Variants in TGFBR3 observed in about 807,000 individuals in gnomAD.
TGFBR3 encodes the protein transforming growth factor beta receptor type 3.
Under a neutral mutation model 87.9 loss-of-function variants are expected in TGFBR3, and 46 were observed. That is an observed-to-expected ratio of 0.52 (90% CI 0.41 to 0.67). The LOEUF (loss-of-function observed/expected upper bound fraction) is 0.67, where lower values mean the gene tolerates loss of function less well. Among genes scored for constraint, TGFBR3 ranks in the 30% least tolerant of loss-of-function variants. The pLI, the probability that TGFBR3 is intolerant of heterozygous loss-of-function variation, is 0.00. For synonymous variants in TGFBR3, 381 were observed against 391.6 expected (o/e 0.97, Z 0.32); for missense variants, 866 against 1,041.9 (o/e 0.83, Z 2.32).
At chr1:91,886,773 A>G (rs570557077), upstream of TGFBR3, among the ~76,000 whole-genome samples, 12 of 152,062 alleles carry the variant, frequency 7.9e-5, no homozygotes, top group Middle Eastern at 3.4e-3. Flanking sequence ...CCAGCAGCTG[A>G]GACTGCATTA....
chr1:91,878,630 G>A (rs1030280838), intron 1 of TGFBR3, among the ~76,000 whole-genome samples: 2 of 152,134 alleles, frequency 1.3e-5, no homozygotes, highest in Non-Finnish European at 2.9e-5. Flanking sequence ...TTCGCCCAAG[G>A]CAATCTGATC....
intron 4 of TGFBR3, among the ~76,000 whole-genome samples, chr1:91,756,452 G>C (rs949940099): frequency 3.9e-5 from 6 of 152,106 alleles, no homozygotes; most frequent in African/African-American, 1.4e-4. Context: ...CTAGCCATGT[G>C]ATTTGGCCCA....
At chr1:91,755,100 T>A (rs1673691361) in intron 4 of TGFBR3, 1 of 152,164 alleles carries the variant, frequency 6.6e-6, no homozygotes, top group Non-Finnish European at 1.5e-5. Context: ...GAAGCCTGAA[T>A]TTCCAGAGAT....
intron 1 of TGFBR3, among the ~76,000 whole-genome samples, chr1:91,865,025 A>C (rs552555792): frequency 1.2e-4 from 18 of 152,232 alleles, no homozygotes; most frequent in African/African-American, 4.3e-4. Flanking sequence ...CAACCTGGCG[A>C]AACTCCAGCT....
intron 1 of TGFBR3, among the ~76,000 whole-genome samples, chr1:91,874,465 A>C (rs1475721840): frequency 6.6e-6 from 1 of 152,204 alleles, no homozygotes; most frequent in Non-Finnish European, 1.5e-5. Flanking sequence ...TCACTGTAAG[A>C]ATTCTGGCTT....
intron 7 of TGFBR3, among the ~76,000 whole-genome samples, chr1:91,726,928 T>C (rs1672569725): frequency 6.6e-6 from 1 of 152,218 alleles, no homozygotes; most frequent in African/African-American, 2.4e-5. Context: ...TGCCTAAGCA[T>C]ATTTGAGATA....
intron 4 of TGFBR3, among the ~76,000 whole-genome samples, chr1:91,744,858 G>C (rs1361767058): frequency 6.6e-6 from 1 of 152,210 alleles, no homozygotes; most frequent in Non-Finnish European, 1.5e-5. Context: ...CCAAGAGGGA[G>C]AGTGTAAAGC....
At chr1:91,769,896 G>A (rs1250785551) in intron 3 of TGFBR3, among the ~76,000 whole-genome samples, 2 of 152,134 alleles carry the variant, frequency 1.3e-5, no homozygotes, top group Non-Finnish European at 2.9e-5. Flanking sequence ...CCGTAACTCT[G>A]GTAAAGCAAT....
At chr1:91,758,480 C>T in intron 4 of TGFBR3, 133 bp downstream of exon 4, 1 of 1,080,348 alleles carries the variant, frequency 9.3e-7, no homozygotes. Context: ...CTAAGTGCAT[C>T]CTCCAAATTT....
chr1:91,786,797 T>A (rs1255840706), intron 3 of TGFBR3, among the ~76,000 whole-genome samples: 1 of 151,678 alleles, frequency 6.6e-6, no homozygotes, highest in African/African-American at 2.4e-5. Context: ...ACAAGATGGT[T>A]CAAAAGTTCC....
chr1:91,869,408 T>TA, intron 1 of TGFBR3, among the ~76,000 whole-genome samples: 1 of 152,310 alleles, frequency 6.6e-6, no homozygotes. Context: ...CTCACACCTG[T>TA]AATCACAGCA....
intron 3 of TGFBR3, among the ~76,000 whole-genome samples, chr1:91,764,317 CAAAAAAA>C (rs200776741): frequency 9.0e-5 from 7 of 77,394 alleles, no homozygotes; most frequent in Admixed American, 1.5e-4. Flanking sequence ...ACAAAAGAGA[CAAAAAAA>C]AAAAAAAAAA....
At chr1:91,687,510 G>C (rs1671129007) in intron 16 of TGFBR3, among the ~76,000 whole-genome samples, 1 of 152,164 alleles carries the variant, frequency 6.6e-6, no homozygotes, top group African/African-American at 2.4e-5. Context: ...GGCAGGTCCT[G>C]GGGAAGAAAC....
At chr1:91,706,116 G>C (rs114425738) in intron 14 of TGFBR3, among the ~76,000 whole-genome samples, 1,582 of 152,236 alleles carry the variant, frequency 0.01, 19 homozygotes, top group Non-Finnish European at 0.013. Context: ...AAATAGTTAC[G>C]AGTAACAGAT....
intron 3 of TGFBR3, among the ~76,000 whole-genome samples, chr1:91,763,058 C>A (rs1376579214): frequency 6.6e-6 from 1 of 152,118 alleles, no homozygotes; most frequent in Non-Finnish European, 1.5e-5. Flanking sequence ...CTTTGATAAG[C>A]AAAAACTATC....
At chr1:91,848,768 C>T (rs1159381562) in intron 2 of TGFBR3, among the ~76,000 whole-genome samples, 1 of 151,992 alleles carries the variant, frequency 6.6e-6, no homozygotes, top group East Asian at 1.9e-4. Context: ...AAAACCAGGC[C>T]CCCTGAGAAA....
rs1423468319 is a variant in TGFBR3 at position 91,681,528 on chromosome 1, T to C, written c.*2211A>G. 1 of 363,524 alleles carries C rather than the reference T, an allele frequency of 2.8e-6. No individual in the cohort carries two copies. The highest frequency in any genetic ancestry group is 4.0e-5 in the Admixed American group (1 of 24,978). 22.5% of individuals were successfully genotyped at this position (363,524 alleles called of 1,614,324 possible). A position where few individuals can be genotyped will look rare whatever the true frequency, so the allele number is the denominator to read the frequency against. On this transcript the variant is annotated 3_prime_UTR_variant, in exon 17 of 17. Coordinates refer to ENST00000212355, the MANE Select transcript of TGFBR3 (RefSeq NM_003243.5). ...TATATTTAAATATATTACAGAAGGT[T>C]TTAACCCTGTCCTTCTAAGACATCA...
At chr1:91,734,278 A>G (rs1672878826) in intron 5 of TGFBR3, among the ~76,000 whole-genome samples, 1 of 152,210 alleles carries the variant, frequency 6.6e-6, no homozygotes, top group Middle Eastern at 3.2e-3. Context: ...CATTTGTACT[A>G]AAAATATATT....
At chr1:91,744,011 C>T (rs1207668624) in intron 4 of TGFBR3, among the ~76,000 whole-genome samples, 1 of 151,868 alleles carries the variant, frequency 6.6e-6, no homozygotes, top group Non-Finnish European at 1.5e-5. Flanking sequence ...TTTTTATTGA[C>T]TGATTACAAG....
Sources: allele counts gnomAD v4.1 joint callset (sites outside exome capture counted in the v4.1 genomes callset), GRCh38; gene constraint gnomAD v4.1.1; transcripts MANE v1.5; gene names NCBI Gene and HGNC (gene_info 2026-07-23, HGNC 2026-07-21).